The following ASPH variants were observed in gnomAD, a reference collection of about 807,000 sequenced individuals.
ASPH encodes aspartate beta-hydroxylase.
In ASPH, 100 loss-of-function variants were observed where a neutral mutation model predicts 118.4. The ratio of observed to expected loss-of-function variants is 0.84; its 90% confidence interval spans 0.72 to 1.00. The LOEUF (loss-of-function observed/expected upper bound fraction) is 1.00, where lower values mean the gene tolerates loss of function less well. Among genes scored for constraint, ASPH ranks in the 50% least tolerant of loss-of-function variants. The probability of loss-of-function intolerance (pLI) is 0.00; values close to 1 mark genes in which losing one functional copy is unlikely to be tolerated. For missense variants in ASPH, 920 were observed against 919.5 expected, an observed-to-expected ratio of 1.00 and a Z score of -0.01; for synonymous variants, 315 against 325.6, an observed-to-expected ratio of 0.97 and a Z score of 0.35.
chr8:61,517,785 T>C (rs955306800), intron 23 of ASPH, 124 bp from the exon 24 acceptor site: 2 of 1,313,348 alleles, frequency 1.5e-6, no homozygotes, highest in Non-Finnish European at 2.1e-6. Context: ...TTAATATTTA[T>C]ATTCAAGTCT....
intron 13 of ASPH, among the ~76,000 whole-genome samples, chr8:61,621,013 C>T (rs1268274569): frequency 1.3e-5 from 2 of 152,218 alleles, no homozygotes; most frequent in East Asian, 1.9e-4. Flanking sequence ...TTTAGACTCA[C>T]GTCCTCCCAG....
intron 1 of ASPH, among the ~76,000 whole-genome samples, chr8:61,702,280 CTTT>C (rs71257379): frequency 1.6e-5 from 2 of 123,378 alleles, no homozygotes. Context: ...ATAGCTACTT[CTTT>C]TTTTTTTTTT....
chr8:61,551,919 G>A (rs868466821), intron 20 of ASPH, among the ~76,000 whole-genome samples: 183 of 152,168 alleles, frequency 1.2e-3, no homozygotes, highest in African/African-American at 4.2e-3. Flanking sequence ...GTAGGTTAGA[G>A]GGGGAAAGGT....
At chr8:61,606,781 G>A (rs942542009) in intron 14 of ASPH, 5 of 152,634 alleles carry the variant, frequency 3.3e-5, no homozygotes, top group East Asian at 1.9e-4. Flanking sequence ...AGACTCTAAT[G>A]TAATCTTCTG....
chr8:61,533,382 CTGAGTA>C (rs1257810065), intron 21 of ASPH, among the ~76,000 whole-genome samples: 3 of 152,148 alleles, frequency 2.0e-5, no homozygotes, highest in Non-Finnish European at 4.4e-5. Flanking sequence ...TCTTATTGCT[CTGAGTA>C]TATTAGAGGT....
chr8:61,686,134 A>C (rs1830425377), intron 1 of ASPH, among the ~76,000 whole-genome samples: 1 of 152,234 alleles, frequency 6.6e-6, no homozygotes. Flanking sequence ...TGGTAAATTC[A>C]TAAAGTATGC....
At chr8:61,682,437 A>G (rs987263946) in intron 2 of ASPH, 8 of 1,612,488 alleles carry the variant, frequency 5.0e-6, no homozygotes, top group Non-Finnish European at 5.9e-6. Flanking sequence ...CCAATAGCCT[A>G]CCTTGAAGCA....
At chr8:61,526,181 T>C (rs78239105) in intron 21 of ASPH, 69 bp from the exon 22 acceptor site, 161 of 1,559,588 alleles carry the variant, frequency 1.0e-4, no homozygotes, top group Non-Finnish European at 1.3e-4. Flanking sequence ...ATGACTCTTG[T>C]TTTTTTTGAG....
At chr8:61,514,538 T>C (rs1480935435) in intron 24 of ASPH, among the ~76,000 whole-genome samples, 1 of 151,938 alleles carries the variant, frequency 6.6e-6, no homozygotes, top group Non-Finnish European at 1.5e-5. Context: ...TGAAACCCCG[T>C]CTCTACTAAA....
chr8:61,628,189 T>C, intron 13 of ASPH: 1 of 163,432 alleles, frequency 6.1e-6, no homozygotes, highest in Non-Finnish European at 1.3e-5. Flanking sequence ...AGACAGGGTC[T>C]CAATCTGTCA....
chr8:61,714,318 G>T lies in ASPH; in HGVS notation c.54C>A (p.Ser18=). Residue 18 remains serine (S), a synonymous_variant, in exon 1 of 25, where the codon TCC becomes TCA. Coordinates refer to ENST00000379454, the MANE Select transcript of ASPH (RefSeq NM_004318.4). ...KSSGNSSSSG[S]GSGSTSAGSS... ...TGCCCGCACTCGTGCTACCGCTGCC[G>T]GAGCCGCTGCTGCTGCTGTTGCCGC... 6.6e-7 allele frequency: 1 copy of T among 1,519,692 alleles called. No individual in the cohort carries two copies. The highest frequency in any genetic ancestry group is 1.4e-5 in the African/African-American group (1 of 69,548). 94.1% of individuals were successfully genotyped at this position (1,519,692 alleles called of 1,614,324 possible).
chr8:61,551,177 C>T (rs1168312336), intron 20 of ASPH, among the ~76,000 whole-genome samples: 1 of 151,994 alleles, frequency 6.6e-6, no homozygotes, highest in Non-Finnish European at 1.5e-5. Context: ...TGCTGCAGAC[C>T]CTCATGGTTT....
intron 16 of ASPH, 127 bp downstream of exon 16, chr8:61,576,645 T>A: frequency 1.4e-6 from 1 of 719,834 alleles, no homozygotes; most frequent in South Asian, 2.7e-5. Flanking sequence ...TTCTTGCTTA[T>A]GCATATACAT....
intron 20 of ASPH, among the ~76,000 whole-genome samples, chr8:61,552,215 C>A (rs1214975505): frequency 1.3e-5 from 2 of 152,232 alleles, no homozygotes; most frequent in Non-Finnish European, 2.9e-5. Flanking sequence ...CCAGCTCTCA[C>A]CCCTGCAATA....
intron 24 of ASPH, among the ~76,000 whole-genome samples, chr8:61,505,106 C>T (rs1805939409): frequency 6.6e-6 from 1 of 152,318 alleles, no homozygotes; most frequent in South Asian, 2.1e-4. Context: ...CCCATACTGT[C>T]CTCATCATAG....
chr8:61,521,042 T>C (rs146993376), intron 22 of ASPH, among the ~76,000 whole-genome samples: 9 of 152,342 alleles, frequency 5.9e-5, no homozygotes, highest in African/African-American at 2.2e-4. Context: ...CGTCTGATCA[T>C]GAGGGTCCAA....
intron 24 of ASPH, among the ~76,000 whole-genome samples, chr8:61,511,361 G>A (rs1808755618): frequency 6.6e-6 from 1 of 152,174 alleles, no homozygotes; most frequent in African/African-American, 2.4e-5. Flanking sequence ...TTTCAGGCTA[G>A]TAATTGGCAG....
At chr8:61,660,886 C>T (rs1245717872) in intron 3 of ASPH, 1 of 152,116 alleles carries the variant, frequency 6.6e-6, no homozygotes, top group African/African-American at 2.4e-5. Flanking sequence ...AAAAAAATCT[C>T]TGAAGACCAT....
At chr8:61,690,116 C>T (rs1589233984) in intron 1 of ASPH, among the ~76,000 whole-genome samples, 1 of 152,278 alleles carries the variant, frequency 6.6e-6, no homozygotes, top group South Asian at 2.1e-4. Context: ...TCATTGAAAA[C>T]TCAAACAAGT....
Sources: gnomAD v4.1 joint callset for allele counts (sites outside exome capture counted in the v4.1 genomes callset) on GRCh38, gnomAD v4.1.1 for gene constraint, MANE v1.5 for transcripts, NCBI Gene and HGNC (gene_info 2026-07-23, HGNC 2026-07-21) for gene names.